BTBD9: variants seen among roughly 807,000 people sequenced by gnomAD.
BTBD9 encodes the protein BTB/POZ domain-containing protein 9.
BTBD9 carries 49 observed loss-of-function variants against 64.3 expected under a neutral mutation model. The ratio of observed to expected loss-of-function variants is 0.76; its 90% CI spans 0.61 to 0.97. The LOEUF (loss-of-function observed/expected upper bound fraction) is 0.97. Ranked by LOEUF, BTBD9 falls within the 50% of genes least tolerant of loss-of-function variation. The pLI is 0.00. For missense variants in BTBD9, 598 were observed against 762.1 expected (o/e 0.78, Z 2.53); for synonymous variants, 260 against 274.7 (o/e 0.95, Z 0.53).
At chr6:38,442,164 G>T (rs1037175572) in intron 6 of BTBD9, among the ~76,000 whole-genome samples, 3 of 152,108 alleles carry the variant, frequency 2.0e-5, no homozygotes, top group Admixed American at 2.0e-4. Flanking sequence ...TGTTTTGTAG[G>T]GGCAACATTT....
At chr6:38,599,168 A>G (rs1777162591) in intron 1 of BTBD9, among the ~76,000 whole-genome samples, 1 of 152,206 alleles carries the variant, frequency 6.6e-6, no homozygotes, top group Non-Finnish European at 1.5e-5. Context: ...ATGCCTTTCT[A>G]CAAAATTAAC....
intron 6 of BTBD9, among the ~76,000 whole-genome samples, chr6:38,477,467 T>C (rs1770936103): frequency 6.6e-6 from 1 of 152,238 alleles, no homozygotes; most frequent in African/African-American, 2.4e-5. Flanking sequence ...GAAGCAAGAC[T>C]GTCTTTTCCT....
chr6:38,604,007 T>C (rs1449927655), intron 1 of BTBD9, among the ~76,000 whole-genome samples: 2 of 152,216 alleles, frequency 1.3e-5, no homozygotes, highest in South Asian at 2.1e-4. Flanking sequence ...GAAAGGATAC[T>C]TCACTTCTCT....
chr6:38,402,372 T>C (rs1156521226), intron 6 of BTBD9, among the ~76,000 whole-genome samples: 1 of 151,924 alleles, frequency 6.6e-6, no homozygotes, highest in Non-Finnish European at 1.5e-5. Context: ...GAACCCAGAA[T>C]AGCCAAAACA....
At chr6:38,274,213 T>C (rs1308251897) in intron 8 of BTBD9, among the ~76,000 whole-genome samples, 1 of 152,230 alleles carries the variant, frequency 6.6e-6, no homozygotes, top group Non-Finnish European at 1.5e-5. Context: ...TGCTTGTGAT[T>C]TTTGTACATT....
At chr6:38,565,221 C>T (rs1775439569) in intron 6 of BTBD9, among the ~76,000 whole-genome samples, 1 of 152,176 alleles carries the variant, frequency 6.6e-6, no homozygotes, top group Non-Finnish European at 1.5e-5. Context: ...CACATTACTG[C>T]ATCCTTTTCC....
intron 7 of BTBD9, among the ~76,000 whole-genome samples, chr6:38,329,034 G>A (rs1763571125): frequency 7.1e-6 from 1 of 141,826 alleles, no homozygotes; most frequent in African/African-American, 2.6e-5. Context: ...TACTGGCATC[G>A]ATCTGGCTAT....
At chr6:38,475,351 G>A (rs879757870) in intron 6 of BTBD9, among the ~76,000 whole-genome samples, 1 of 151,830 alleles carries the variant, frequency 6.6e-6, no homozygotes, top group Non-Finnish European at 1.5e-5. Context: ...AACATCTTCA[G>A]CTGGATCCAC....
chr6:38,260,220 A>T (rs1360188471), intron 8 of BTBD9, among the ~76,000 whole-genome samples: 1 of 152,204 alleles, frequency 6.6e-6, no homozygotes, highest in Admixed American at 6.5e-5. Context: ...GATTGAAATC[A>T]TTCGTAACTC....
At chr6:38,415,359 T>C (rs1291917360) in intron 6 of BTBD9, among the ~76,000 whole-genome samples, 1 of 152,122 alleles carries the variant, frequency 6.6e-6, no homozygotes, top group East Asian at 1.9e-4. Flanking sequence ...TTGCTAGCTT[T>C]GAAGAGGGAA....
In BTBD9 at chr6:38,639,903, C is replaced by G. The variant is rs1262621023; in HGVS notation, c.-131G>C. The G allele has an allele frequency of 1.3e-5, 2 of 152,380 alleles. No homozygotes were observed. Among genetic ancestry groups the G allele is most frequent in the Non-Finnish European group, 2.9e-5 (2 of 68,250 alleles). 9.4% of individuals were successfully genotyped at this position (152,380 alleles called of 1,614,324 possible). ...CCCCCTTGGCCGCTTCCGTGGCCGC[C>G]GTCCTCGCCGCCGCCCCGGCTGCTG... is the stretch of plus-strand genomic sequence containing the variant. On this transcript the variant is annotated 5_prime_UTR_variant, in exon 1 of 11. Coordinates refer to ENST00000481247, the MANE Select transcript of BTBD9 (RefSeq NM_001099272.2).
In BTBD9 at chr6:38,564,055, T is replaced by C. The variant is rs201027309; in HGVS notation, c.1154+13545A>G. ...CCTCAGCCTCCCAAAGTGCTGGGAT[T>C]ACAGGCGTGAGCCACCACACCTGGC... On this transcript the variant is annotated intron_variant, in intron 6 of 10. Coordinates refer to ENST00000481247, the MANE Select transcript of BTBD9 (RefSeq NM_001099272.2). 7.2e-5 allele frequency among the ~76,000 whole-genome samples: 11 copies of C among 152,302 alleles called. No individual in the cohort carries two copies. The East Asian group carries it at 2.1e-3, about 29-fold the overall frequency.
intron 9 of BTBD9, among the ~76,000 whole-genome samples, chr6:38,238,024 A>T (rs1014039864): frequency 6.6e-6 from 1 of 152,242 alleles, no homozygotes; most frequent in Non-Finnish European, 1.5e-5. Flanking sequence ...ATGTGCCTAT[A>T]GTCCCAGCTA....
At chr6:38,385,012 A>C (rs1203481249) in intron 6 of BTBD9, among the ~76,000 whole-genome samples, 1 of 151,802 alleles carries the variant, frequency 6.6e-6, no homozygotes, top group Non-Finnish European at 1.5e-5. Flanking sequence ...CAATTCCGGT[A>C]TCCCTGAATG....
At chr6:38,280,153 G>T (rs577431802) in intron 8 of BTBD9, among the ~76,000 whole-genome samples, 23 of 152,140 alleles carry the variant, frequency 1.5e-4, no homozygotes, top group South Asian at 6.2e-4. Flanking sequence ...ACTGGCTGAG[G>T]CATATTTACC....
At chr6:38,341,451 T>C (rs1212697811) in intron 7 of BTBD9, among the ~76,000 whole-genome samples, 1 of 152,196 alleles carries the variant, frequency 6.6e-6, no homozygotes, top group East Asian at 1.9e-4. Flanking sequence ...AGGTTAGCTG[T>C]GAATTGATAA....
At position 38,598,034 on chromosome 6, in the gene BTBD9, T is replaced by C. The variant is rs760514311; in HGVS notation, c.61A>G (p.Ile21Val). The change falls in exon 2 of 11, where the codon ATT (isoleucine) becomes GTT (valine). Residue 21 changes from isoleucine to valine, a missense_variant. Transcript: ENST00000481247. ...AAGGCACCAATATGTTCAGACAAAA[T>C]GTGCACATGATCAATTTCCCCCACT... ...TAVGEIDHVHILSEHIGALLI... is the reference protein window; with the variant it reads ...TAVGEIDHVHVLSEHIGALLI... The C allele has an allele frequency of 1.2e-6, 2 of 1,613,852 alleles. No homozygotes were observed. Among genetic ancestry groups the C allele is most frequent in the Non-Finnish European group, 1.7e-6 (2 of 1,179,844 alleles).
intron 10 of BTBD9, among the ~76,000 whole-genome samples, chr6:38,191,533 C>T (rs968300001): frequency 3.3e-5 from 5 of 152,216 alleles, no homozygotes; most frequent in African/African-American, 9.6e-5. Context: ...CCACTGCCAC[C>T]GCCCTGCCGG....
intron 6 of BTBD9, among the ~76,000 whole-genome samples, chr6:38,475,704 A>G (rs1770848363): frequency 6.6e-6 from 1 of 152,200 alleles, no homozygotes; most frequent in African/African-American, 2.4e-5. Context: ...GGTTCTGAGA[A>G]GAACAGCATA....
Sources: allele counts gnomAD v4.1 joint callset (sites outside exome capture counted in the v4.1 genomes callset), GRCh38; gene constraint gnomAD v4.1.1; transcripts MANE v1.5; gene names NCBI Gene and HGNC (gene_info 2026-07-23, HGNC 2026-07-21).